The following LUC7L2 variants were observed in gnomAD, a reference collection of about 807,000 sequenced individuals.
LUC7L2 encodes the protein putative RNA-binding protein Luc7-like 2.
A neutral mutation model predicts 52.8 loss-of-function variants in LUC7L2; 25 were observed. That is an observed-to-expected ratio of 0.47 (90% CI 0.34 to 0.66). The LOEUF is 0.66. Among genes scored for constraint, LUC7L2 ranks in the 30% least tolerant of loss-of-function variants. The pLI, the probability that LUC7L2 is intolerant of heterozygous loss-of-function variation, is 0.01. For synonymous variants in LUC7L2, 144 were observed against 160.9 expected (o/e 0.89, Z 0.80); for missense variants, 328 against 497.8 (o/e 0.66, Z 3.25).
chr7:139,390,315 C>A (rs893031673), intron 2 of LUC7L2, among the ~76,000 whole-genome samples: 1 of 150,980 alleles, frequency 6.6e-6, no homozygotes, highest in African/African-American at 2.4e-5. Flanking sequence ...GGCTGGAGTG[C>A]AGTGGCGCCA....
upstream of LUC7L2, among the ~76,000 whole-genome samples, chr7:139,357,471 A>G (rs1294484959): frequency 9.8e-4 from 149 of 152,246 alleles, 1 homozygote; most frequent in Non-Finnish European, 7.4e-5. Flanking sequence ...AAACATAATT[A>G]TTGGTTTTAG....
chr7:139,386,441 G>C (rs1445071242), intron 2 of LUC7L2, among the ~76,000 whole-genome samples: 1 of 128,132 alleles, frequency 7.8e-6, no homozygotes, highest in Non-Finnish European at 1.5e-5. Context: ...GTCTCACTCT[G>C]TCGTCCAGGC....
At chr7:139,367,171 C>T (rs1236778134) in intron 1 of LUC7L2, among the ~76,000 whole-genome samples, 5 of 151,982 alleles carry the variant, frequency 3.3e-5, no homozygotes, top group African/African-American at 4.8e-5. Flanking sequence ...GAGGTTTTGC[C>T]ATGTTGGCCA....
In LUC7L2 at chr7:139,360,254, C is replaced by T. The variant is rs766074014; in HGVS notation, c.-8C>T. 4.0e-5 allele frequency: 62 copies of T among 1,552,102 alleles called. No individual in the cohort carries two copies. Among genetic ancestry groups the T allele is most frequent in the Non-Finnish European group, 5.1e-5 (59 of 1,149,152 alleles). The stretch of plus-strand genomic sequence containing the variant: ...CACCCCCGCCCGTCCGCCCGCTACG[C>T]CGCCGCCATGTCGGCGCAGGCCCAG... On this transcript the variant is annotated 5_prime_UTR_variant, in exon 1 of 10. Transcript: ENST00000354926.
intron 2 of LUC7L2, among the ~76,000 whole-genome samples, chr7:139,397,110 T>C (rs114890679): frequency 0.013 from 1,976 of 152,328 alleles, 46 homozygotes; most frequent in African/African-American, 0.045. Context: ...CTCAGACCTG[T>C]GTGCCATACT....
intron 2 of LUC7L2, among the ~76,000 whole-genome samples, chr7:139,381,725 C>T (rs748232428): frequency 3.3e-5 from 5 of 151,668 alleles, no homozygotes; most frequent in Admixed American, 2.6e-4. Flanking sequence ...TACAGACACA[C>T]GCCACCATGC....
intron 9 of LUC7L2, among the ~76,000 whole-genome samples, chr7:139,417,937 A>G (rs1569397043): frequency 6.6e-6 from 1 of 152,252 alleles, no homozygotes; most frequent in Non-Finnish European, 1.5e-5. Flanking sequence ...CCAGAGCAAG[A>G]AATTGGAACC....
In LUC7L2 at chr7:139,379,540, T is replaced by C. The variant is rs867442928; in HGVS notation, c.156+3384T>C. ...CATTTTACCTTTCATTATTCTAGTA[T>C]AACTAATGCTTTTTTTTTTTTTTTT... On this transcript the variant is annotated intron_variant, in intron 2 of 9. Transcript: ENST00000354926. 6.5e-4 allele frequency among the ~76,000 whole-genome samples: 92 copies of C among 142,080 alleles called. No individual in the cohort carries two copies. The Middle Eastern group carries it at 0.015, about 23-fold the overall frequency. The allele number at this position is 142,080 out of a possible 152,430, so 93.2% of individuals were successfully genotyped here.
rs140959718 is a variant in LUC7L2, at chr7:139,371,338, T to G, written c.62-4724T>G. 3.3e-4 allele frequency: 247 copies of G among 750,220 alleles called. 1 individual carries two copies. The highest frequency in any genetic ancestry group is 9.2e-4 in the African/African-American group (53 of 57,792). The allele number at this position is 750,220 out of a possible 1,614,324, so 46.5% of individuals were successfully genotyped here. ...TAAATATGTCAAATATTACAAACTT[T>G]AAGGTTCTTTTGAAATTACAATACT... On this transcript the variant is annotated intron_variant, in intron 1 of 9. Transcript: ENST00000354926.
chr7:139,375,839 C>A, intron 1 of LUC7L2: 1 of 436,194 alleles, frequency 2.3e-6, no homozygotes, highest in Admixed American at 4.1e-5. Flanking sequence ...GAATGCATTG[C>A]TTTCTCACTT....
At chr7:139,373,698 C>CG (rs923859390) in intron 1 of LUC7L2, among the ~76,000 whole-genome samples, 2 of 120,080 alleles carry the variant, frequency 1.7e-5, no homozygotes, top group African/African-American at 1.2e-4. Flanking sequence ...CTTCAGGGCA[C>CG]AATAACTTAA....
intron 1 of LUC7L2, among the ~76,000 whole-genome samples, chr7:139,367,286 A>G (rs1800211087): frequency 6.6e-6 from 1 of 151,988 alleles, no homozygotes; most frequent in South Asian, 2.1e-4. Context: ...CTTTATTATT[A>G]TTTACTGTTT....
rs187472926 is a variant in LUC7L2 at position 139,379,817 on chromosome 7, C to G, written c.156+3661C>G. 1.3e-3 allele frequency among the ~76,000 whole-genome samples: 198 copies of G among 152,044 alleles called. 1 individual carries two copies. Among genetic ancestry groups the G allele is most frequent in the African/African-American group, 4.5e-3 (185 of 41,482 alleles). On this transcript the variant is annotated intron_variant, in intron 2 of 9. Coordinates refer to ENST00000354926, the MANE Select transcript of LUC7L2 (RefSeq NM_016019.5). The stretch of plus-strand genomic sequence containing the variant: ...CTGACCTCAGTTGATCTGCCTGCCT[C>G]GGCCTCCTAAAGTGCTGCAATGATA...
chr7:139,405,831 A>G, intron 5 of LUC7L2, 44 bp downstream of exon 5: 1 of 1,544,858 alleles, frequency 6.5e-7, no homozygotes, highest in Non-Finnish European at 8.7e-7. Context: ...TAATTTGGTA[A>G]GACTACAAAT....
chr7:139,401,896 AG>A (rs1439182420), intron 3 of LUC7L2, among the ~76,000 whole-genome samples: 18 of 151,884 alleles, frequency 1.2e-4, no homozygotes, highest in African/African-American at 4.1e-4. Context: ...CTGAGACTAC[AG>A]GTGTGCCCCA....
chr7:139,388,063 A>C (rs1295216278), intron 2 of LUC7L2, among the ~76,000 whole-genome samples: 2 of 152,150 alleles, frequency 1.3e-5, no homozygotes, highest in Non-Finnish European at 2.9e-5. Context: ...TATCTGGCTT[A>C]CTATATGTGA....
intron 2 of LUC7L2, among the ~76,000 whole-genome samples, chr7:139,389,766 T>TAA (rs1794350201): frequency 6.6e-6 from 1 of 152,206 alleles, no homozygotes; most frequent in Non-Finnish European, 1.5e-5. Context: ...TTGGGGCTGT[T>TAA]ACAATGATCA....
chr7:139,407,380 C>T lies in LUC7L2; in HGVS notation c.687+30C>T, dbSNP rs1235711088. The T allele has an allele frequency of 5.0e-6, 8 of 1,584,430 alleles. No homozygotes were observed. In the Admixed American group the frequency reaches 7.2e-5, roughly 14 times the overall value. ...ATTGGTAAAATATTCCTCACTTTAT[C>T]CTCTTGTTCTTTTGATCTGTATCAG... On this transcript the variant is annotated intron_variant, in intron 6 of 9. Coordinates refer to ENST00000354926, the MANE Select transcript of LUC7L2 (RefSeq NM_016019.5).
chr7:139,346,999 G>C (rs1470600769), intron 1 of LUC7L2, among the ~76,000 whole-genome samples: 1 of 152,076 alleles, frequency 6.6e-6, no homozygotes, highest in Non-Finnish European at 1.5e-5. Flanking sequence ...AGAATCTTTT[G>C]GCTGAACCAA....
Sources: gnomAD v4.1 joint callset for allele counts (sites outside exome capture counted in the v4.1 genomes callset) on GRCh38, gnomAD v4.1.1 for gene constraint, MANE v1.5 for transcripts, NCBI Gene and HGNC (gene_info 2026-07-23, HGNC 2026-07-21) for gene names.